Variants in TENM3 observed in about 807,000 individuals in gnomAD.
TENM3 encodes teneurin-3.
Under a neutral mutation model 255.1 loss-of-function variants are expected in TENM3, and 63 were observed. That is an observed-to-expected ratio of 0.25 (90% confidence interval 0.20 to 0.30). The LOEUF is 0.30. Among genes scored for constraint, TENM3 ranks in the 10% least tolerant of loss-of-function variants. The pLI, the probability that TENM3 is intolerant of heterozygous loss-of-function variation, is 1.00. For synonymous variants in TENM3, 1,306 were observed against 1,322.3 expected (o/e 0.99, Z 0.27); for missense variants, 2,929 against 3,461.1 (o/e 0.85, Z 3.86).
At chr4:181,467,118 T>TACAC in the TENM3 span, among the ~76,000 whole-genome samples, 55 of 66,340 alleles carry the variant, frequency 8.3e-4, 1 homozygote, top group African/African-American at 2.5e-3. Context: ...TATATATATA[T>TACAC]ATATATATTT....
the TENM3 span, among the ~76,000 whole-genome samples, chr4:182,078,478 T>C: frequency 6.6e-6 from 1 of 152,058 alleles, no homozygotes; most frequent in African/African-American, 2.4e-5. Context: ...GCTGAGATCA[T>C]GCCACTGCAC....
At chr4:181,759,722 A>G in the TENM3 span, among the ~76,000 whole-genome samples, 1 of 84,968 alleles carries the variant, frequency 1.2e-5, no homozygotes, top group Non-Finnish European at 2.5e-5. Context: ...TGCAATCAAC[A>G]GATGTGTGTG....
the TENM3 span, among the ~76,000 whole-genome samples, chr4:181,633,368 G>C: frequency 6.6e-6 from 1 of 152,162 alleles, no homozygotes; most frequent in African/African-American, 2.4e-5. Context: ...GTGCAAATGA[G>C]CTGCGGTATA....
chr4:181,456,511 A>G, the TENM3 span, among the ~76,000 whole-genome samples: 323 of 152,036 alleles, frequency 2.1e-3, 1 homozygote, highest in African/African-American at 7.5e-3. Context: ...TTTTAGGTTG[A>G]TAAAGCAGGA....
chr4:181,452,127 A>G, the TENM3 span, among the ~76,000 whole-genome samples: 1 of 152,164 alleles, frequency 6.6e-6, no homozygotes, highest in African/African-American at 2.4e-5. Context: ...CAGTAACATC[A>G]TTGGTAGCCA....
chr4:181,490,396 G>A, the TENM3 span, among the ~76,000 whole-genome samples: 8 of 152,236 alleles, frequency 5.3e-5, no homozygotes, highest in South Asian at 1.5e-3. Context: ...ATGTGCTGAG[G>A]CATCCATCCA....
chr4:181,456,370 T>A, the TENM3 span, among the ~76,000 whole-genome samples: 1 of 151,852 alleles, frequency 6.6e-6, no homozygotes, highest in African/African-American at 2.4e-5. Flanking sequence ...CTTAACCGAT[T>A]TGTTCTGATG....
At chr4:181,846,837 G>A in the TENM3 span, among the ~76,000 whole-genome samples, 3 of 152,146 alleles carry the variant, frequency 2.0e-5, no homozygotes, top group Non-Finnish European at 2.9e-5. Flanking sequence ...AACTACCACA[G>A]GTTGATTCTG....
intron 3 of TENM3, among the ~76,000 whole-genome samples, chr4:182,432,040 G>T (rs1055102061): frequency 6.7e-5 from 10 of 148,708 alleles, no homozygotes; most frequent in Non-Finnish European, 1.3e-4. Context: ...CCGAGATCGC[G>T]CTACTGCACT....
the TENM3 span, among the ~76,000 whole-genome samples, chr4:181,522,191 C>T: frequency 1.4e-5 from 2 of 144,558 alleles, no homozygotes; most frequent in Admixed American, 6.9e-5. Context: ...AGAGCAGATA[C>T]ATCATTATAC....
At chr4:181,612,818 T>C in the TENM3 span, among the ~76,000 whole-genome samples, 2 of 152,182 alleles carry the variant, frequency 1.3e-5, no homozygotes, top group Non-Finnish European at 2.9e-5. Context: ...GATAAAGTTT[T>C]CTAAATATTA....
the TENM3 span, among the ~76,000 whole-genome samples, chr4:181,962,433 T>C: frequency 2.6e-5 from 4 of 152,176 alleles, no homozygotes; most frequent in Non-Finnish European, 5.9e-5. Context: ...TGCTAACCCA[T>C]TGGTGGTAGC....
intron 18 of TENM3, among the ~76,000 whole-genome samples, chr4:182,741,428 C>T (rs916522837): frequency 6.6e-5 from 10 of 152,206 alleles, no homozygotes; most frequent in African/African-American, 1.9e-4. Context: ...TGCGGGCGCC[C>T]TGAAACATGG....
chr4:182,165,860 C>A (rs1371513941), intron 1 of TENM3, among the ~76,000 whole-genome samples: 1 of 152,150 alleles, frequency 6.6e-6, no homozygotes, highest in African/African-American at 2.4e-5. Context: ...ACTACAACCT[C>A]CATCTCCCAG....
At chr4:182,228,291 C>CATT (rs1224893884) in intron 1 of TENM3, among the ~76,000 whole-genome samples, 1 of 151,014 alleles carries the variant, frequency 6.6e-6, no homozygotes, top group African/African-American at 2.4e-5. Context: ...CTATAGTAAC[C>CATT]ATTTTACTAT....
At chr4:182,348,601 A>G (rs1328470575) in intron 3 of TENM3, among the ~76,000 whole-genome samples, 2 of 152,190 alleles carry the variant, frequency 1.3e-5, no homozygotes, top group Non-Finnish European at 2.9e-5. Context: ...GCTATCAAAT[A>G]TGTTTTAACA....
the TENM3 span, among the ~76,000 whole-genome samples, chr4:181,532,099 G>A: frequency 6.6e-6 from 1 of 152,166 alleles, no homozygotes; most frequent in East Asian, 1.9e-4. Flanking sequence ...AATAGAAGTA[G>A]AGCGTGTCTG....
the TENM3 span, among the ~76,000 whole-genome samples, chr4:181,555,407 T>C: frequency 6.6e-6 from 1 of 152,210 alleles, no homozygotes; most frequent in South Asian, 2.1e-4. Flanking sequence ...GGCATTCTGC[T>C]CCAACTGTGT....
At chr4:181,922,985 G>C in the TENM3 span, among the ~76,000 whole-genome samples, 2 of 151,958 alleles carry the variant, frequency 1.3e-5, no homozygotes, top group African/African-American at 2.4e-5. Context: ...CCTTCATTTC[G>C]TTATGTACCC....
Sources: gnomAD v4.1 joint callset for allele counts (sites outside exome capture counted in the v4.1 genomes callset) on GRCh38, gnomAD v4.1.1 for gene constraint, MANE v1.5 for transcripts, NCBI Gene and HGNC (gene_info 2026-07-23, HGNC 2026-07-21) for gene names.